The following TRIM39 variants were observed in gnomAD, a reference collection of about 807,000 sequenced individuals.
The protein encoded by TRIM39 is E3 ubiquitin-protein ligase TRIM39.
Under a neutral mutation model 53.6 loss-of-function variants are expected in TRIM39, and 5 were observed. That is an observed-to-expected ratio of 0.09 (90% confidence interval 0.05 to 0.20). The LOEUF (loss-of-function observed/expected upper bound fraction) is 0.20, where lower values mean the gene tolerates loss of function less well. Among genes scored for constraint, TRIM39 ranks in the 10% least tolerant of loss-of-function variants. The pLI, the probability that TRIM39 is intolerant of heterozygous loss-of-function variation, is 1.00. For synonymous variants in TRIM39, 196 were observed against 237.6 expected, an observed-to-expected ratio of 0.82 and a Z score of 1.61; for missense variants, 310 against 621.0, an observed-to-expected ratio of 0.50 and a Z score of 5.32.
chr6:30,336,446 AT>A (rs1429282749), intron 5 of TRIM39, among the ~76,000 whole-genome samples: 2 of 152,216 alleles, frequency 1.3e-5, no homozygotes, highest in Non-Finnish European at 2.9e-5. Flanking sequence ...AGTCACATTA[AT>A]TGTTGGGTTT....
Position 30,339,804 on chromosome 6 carries a change from C to CCCTAT in TRIM39, c.781-103_781-99dup. ...CTGTGTGACCCTCAGTTTATCCTAT[C>CCCTAT]CCTATTTTATAGCTGTGGAACTTTG... On this transcript the variant is annotated intron_variant, in intron 5 of 7. Transcript: ENST00000396551. The surrounding 1 kb of genome is among the most constrained non-coding windows in gnomAD (Gnocchi z 4.2). The CCCTAT allele has an allele frequency of 6.7e-6, 10 of 1,492,430 alleles. No homozygotes were observed. Among genetic ancestry groups the CCCTAT allele is most frequent in the Non-Finnish European group, 9.3e-6 (10 of 1,080,030 alleles). 92.4% of individuals were successfully genotyped at this position (1,492,430 alleles called of 1,614,324 possible). A position where few individuals can be genotyped will look rare whatever the true frequency, so the allele number is the denominator to read the frequency against.
intron 3 of TRIM39, 123 bp from the exon 4 acceptor site, chr6:30,330,658 C>A: frequency 9.8e-7 from 1 of 1,023,944 alleles, no homozygotes; most frequent in Non-Finnish European, 1.4e-6. Flanking sequence ...GAAGTCAGAT[C>A]AAGAGGCAGT....
At chr6:30,332,093 A>G (rs2127392583) in intron 4 of TRIM39, among the ~76,000 whole-genome samples, 1 of 152,356 alleles carries the variant, frequency 6.6e-6, no homozygotes, top group East Asian at 1.9e-4. Context: ...GGTAGGTATT[A>G]TTACCTTCAG....
chr6:30,328,355 C>G (rs1190363830), intron 1 of TRIM39, among the ~76,000 whole-genome samples: 1 of 152,224 alleles, frequency 6.6e-6, no homozygotes, highest in East Asian at 1.9e-4. Flanking sequence ...TTCAGCAGTT[C>G]TGAGTGTCCA....
At chr6:30,330,845 C>T in exon 4 of TRIM39, 1 of 1,614,128 alleles carries the variant, frequency 6.2e-7, no homozygotes, top group South Asian at 1.1e-5. Flanking sequence ...CGCTGCAAGT[C>T]CTCTGAGGAG....
chr6:30,336,269 A>G, intron 5 of TRIM39: 2 of 651,964 alleles, frequency 3.1e-6, no homozygotes, highest in Non-Finnish European at 5.6e-6. Context: ...AAAACTATGC[A>G]TTAAAAATTT....
At chr6:30,336,030 TAGCCTGGGATTTGTC>T in intron 5 of TRIM39, 55 bp downstream of exon 5, 3 of 1,603,380 alleles carry the variant, frequency 1.9e-6, no homozygotes, top group East Asian at 4.5e-5. Context: ...TAGCTTTGCG[TAGCCTGGGATTTGTC>T]AGCCTGGGAT....
At chr6:30,340,760 G>A (rs985112507) in intron 7 of TRIM39, 140 bp downstream of exon 7, 48 of 875,038 alleles carry the variant, frequency 5.5e-5, no homozygotes, top group Non-Finnish European at 7.8e-5. Flanking sequence ...CTGGCTTTTA[G>A]TCTCACCCTG....
In TRIM39 at chr6:30,338,343, G is replaced by T. The variant is rs952343786; in HGVS notation, c.781-1565G>T. Among the ~76,000 whole-genome samples, 2 of 152,062 alleles carry T rather than the reference G, an allele frequency of 1.3e-5. No individual in the cohort carries two copies. The highest frequency in any genetic ancestry group is 1.5e-5 in the Non-Finnish European group (1 of 68,032). ...TTTTAGGTTTTGATTTAAAGTGAGA[G>T]ACATGTGATTCTTCTTTCACATGAA... On this transcript the variant is annotated intron_variant, in intron 5 of 7. Coordinates refer to ENST00000396551, the Ensembl canonical transcript of TRIM39. This position sits in a 1 kb window ranked among gnomAD's most constrained non-coding sequence, Gnocchi z 4.0.
chr6:30,339,802 A>G lies in TRIM39; in HGVS notation c.781-106A>G, dbSNP rs569784134. Reference sequence around the variant, plus strand: ...CACTGTGTGACCCTCAGTTTATCCTATCCCTATTTTATAGCTGTGGAACTT... The same window carrying G: ...CACTGTGTGACCCTCAGTTTATCCTGTCCCTATTTTATAGCTGTGGAACTT... On this transcript the variant is annotated intron_variant, in intron 5 of 7. Transcript: ENST00000396551. The surrounding 1 kb of genome is among the most constrained non-coding windows in gnomAD (Gnocchi z 4.2). The G allele has an allele frequency of 2.4e-5, 36 of 1,482,896 alleles. No individual in the cohort carries two copies. The African/African-American group carries it at 3.9e-4, about 16-fold the overall frequency. 91.9% of individuals were successfully genotyped at this position (1,482,896 alleles called of 1,614,324 possible).
rs57079453 is a variant in TRIM39, at chr6:30,330,165, G to A, written c.453+395G>A. On this transcript the variant is annotated intron_variant, in intron 3 of 7. Coordinates refer to ENST00000396551, the Ensembl canonical transcript of TRIM39. Reference sequence around the variant, plus strand: ...CTGGTTATTGGGCATAGGTAATATCGCTTGAGACTGATACCTACCGGACTA... The same window carrying A: ...CTGGTTATTGGGCATAGGTAATATCACTTGAGACTGATACCTACCGGACTA... Among the ~76,000 whole-genome samples, 195 of 152,258 alleles carry A rather than the reference G, an allele frequency of 1.3e-3. 5 individuals carry two copies. In the East Asian group the frequency reaches 0.025, roughly 20 times the overall value.
chr6:30,334,033 G>A (rs1334166558), intron 4 of TRIM39, among the ~76,000 whole-genome samples: 1 of 152,136 alleles, frequency 6.6e-6, no homozygotes, highest in Non-Finnish European at 1.5e-5. Context: ...TTTTATTGAG[G>A]GCAAATGTGA....
In TRIM39 at chr6:30,342,991, T is replaced by G. The variant is rs973387174; in HGVS notation, c.*732T>G. 6.6e-6 allele frequency: 1 copy of G among 152,664 alleles called. No individual in the cohort carries two copies. Among genetic ancestry groups the G allele is most frequent in the Non-Finnish European group, 1.5e-5 (1 of 68,146 alleles). The allele number at this position is 152,664 out of a possible 1,614,324, so 9.5% of individuals were successfully genotyped here. On this transcript the variant is annotated 3_prime_UTR_variant, in exon 8 of 8. Coordinates refer to ENST00000396551, the Ensembl canonical transcript of TRIM39. This position sits in a 1 kb window ranked among gnomAD's most constrained non-coding sequence, Gnocchi z 4.7. ...GTCCCTGCCTCAGCCTTCAGCAGAG[T>G]TGGCTTATTGCCTGCCTCTATACCA...
At chr6:30,329,100 A>G in intron 2 of TRIM39, 59 bp downstream of exon 2, 7 of 577,496 alleles carry the variant, frequency 1.2e-5, no homozygotes, top group Non-Finnish European at 2.1e-5. Flanking sequence ...AAGAAAAAAA[A>G]GGTTGATGGC....
chr6:30,329,290 G>A (rs368425153), intron 2 of TRIM39, 21 bp from the exon 3 acceptor site: 4 of 1,580,698 alleles, frequency 2.5e-6, no homozygotes, highest in African/African-American at 2.7e-5. Context: ...TATTTTCTCT[G>A]TCCTCTTCCC....
intron 5 of TRIM39, among the ~76,000 whole-genome samples, chr6:30,336,859 C>T (rs1786922625): frequency 6.6e-6 from 1 of 152,182 alleles, no homozygotes; most frequent in South Asian, 2.1e-4. Flanking sequence ...CTTCAATTTA[C>T]TTTGCCTAGA....
Position 30,342,634 on chromosome 6 carries a change from C to A in TRIM39, c.*375C>A, listed in dbSNP as rs1046097273. The A allele has an allele frequency of 1.0e-4, 31 of 306,838 alleles. No homozygotes were observed. The highest frequency in any genetic ancestry group is 5.5e-4 in the African/African-American group (26 of 46,946). 19.0% of individuals were successfully genotyped at this position (306,838 alleles called of 1,614,324 possible). On this transcript the variant is annotated 3_prime_UTR_variant, in exon 8 of 8. Coordinates refer to ENST00000396551, the Ensembl canonical transcript of TRIM39. This position sits in a 1 kb window ranked among gnomAD's most constrained non-coding sequence, Gnocchi z 4.7. ...GGAGGAAACAGAAACCCCTGCACAT[C>A]TTTTTAGGGGGTTCTTTGACCCAGG...
Position 30,338,142 on chromosome 6 carries a change from T to G in TRIM39, c.781-1766T>G, listed in dbSNP as rs772949551. Among the ~76,000 whole-genome samples the G allele has an allele frequency of 6.6e-6, 1 of 152,224 alleles. No homozygotes were observed. Among genetic ancestry groups the G allele is most frequent in the Non-Finnish European group, 1.5e-5 (1 of 68,032 alleles). On this transcript the variant is annotated intron_variant, in intron 5 of 7. Coordinates refer to ENST00000396551, the Ensembl canonical transcript of TRIM39. This position sits in a 1 kb window ranked among gnomAD's most constrained non-coding sequence, Gnocchi z 4.0. ...CCAGATCACTAAAATTTTCTCCATC[T>G]CAGCAATAAAGCTGTTTCACTTTCT...
At position 30,339,824 on chromosome 6, in the gene TRIM39, A is replaced by G; in HGVS notation, c.781-84A>G. 1.3e-6 allele frequency: 2 copies of G among 1,581,714 alleles called. No homozygotes were observed. The highest frequency in any genetic ancestry group is 1.1e-5 in the South Asian group (1 of 89,350). On this transcript the variant is annotated intron_variant, in intron 5 of 7. Coordinates refer to ENST00000396551, the Ensembl canonical transcript of TRIM39. The surrounding 1 kb of genome is among the most constrained non-coding windows in gnomAD (Gnocchi z 4.2). Reference sequence around the variant, plus strand: ...CCTATCCCTATTTTATAGCTGTGGAACTTTGGGGAGGAGGGGGAACCTTTT... The same window carrying G: ...CCTATCCCTATTTTATAGCTGTGGAGCTTTGGGGAGGAGGGGGAACCTTTT...
Sources: gnomAD v4.1 joint callset for allele counts (sites outside exome capture counted in the v4.1 genomes callset) on GRCh38, gnomAD v4.1.1 for gene constraint, Gnocchi (gnomAD v3.1) non-coding constraint, MANE v1.5 for transcripts, NCBI Gene and HGNC (gene_info 2026-07-23, HGNC 2026-07-21) for gene names.